Variants in PGCKA1 observed in about 807,000 individuals in gnomAD.
PGCKA1 encodes PDCD10 and GCKIII kinases associated 1, also known as PDCD10 and GCKIII kinases-associated protein 1.
At chr4:37,546,859 G>A in the PGCKA1 span, among the ~76,000 whole-genome samples, 1 of 152,262 alleles carries the variant, frequency 6.6e-6, no homozygotes, top group South Asian at 2.1e-4. Context: ...CACGTAGCAG[G>A]CCCCTGCAGT....
the PGCKA1 span, among the ~76,000 whole-genome samples, chr4:37,541,835 C>G: frequency 6.6e-6 from 1 of 152,220 alleles, no homozygotes; most frequent in African/African-American, 2.4e-5. Context: ...AAAAAGACAT[C>G]TAGAGCCAGG....
chr4:37,546,454 A>G, the PGCKA1 span, among the ~76,000 whole-genome samples: 1 of 152,238 alleles, frequency 6.6e-6, no homozygotes, highest in Non-Finnish European at 1.5e-5. Context: ...CTACCAGTGC[A>G]TGAAACACCT....
At chr4:37,509,933 G>A in the PGCKA1 span, among the ~76,000 whole-genome samples, 2 of 147,600 alleles carry the variant, frequency 1.4e-5, no homozygotes. Flanking sequence ...GCTTCGGCTG[G>A]GCATCAGAGG....
the PGCKA1 span, among the ~76,000 whole-genome samples, chr4:37,548,085 T>A: frequency 3.3e-5 from 5 of 151,694 alleles, no homozygotes; most frequent in African/African-American, 1.2e-4. Context: ...CTGAAATAAA[T>A]TAACTGGTTG....
At chr4:37,556,350 C>G in the PGCKA1 span, among the ~76,000 whole-genome samples, 1 of 152,070 alleles carries the variant, frequency 6.6e-6, no homozygotes, top group Admixed American at 6.6e-5. Flanking sequence ...TCACTGCAAC[C>G]TCTGTCCCCG....
At chr4:37,526,422 C>T in the PGCKA1 span, among the ~76,000 whole-genome samples, 1 of 152,168 alleles carries the variant, frequency 6.6e-6, no homozygotes, top group African/African-American at 2.4e-5. Flanking sequence ...GACTACAAAC[C>T]TTAAGAAATT....
the PGCKA1 span, among the ~76,000 whole-genome samples, chr4:37,516,995 G>A: frequency 1.2e-4 from 19 of 152,138 alleles, no homozygotes; most frequent in Admixed American, 8.5e-4. Context: ...TGTGGCTCAC[G>A]CCTGTAATCC....
At chr4:37,566,943 C>T in the PGCKA1 span, among the ~76,000 whole-genome samples, 1 of 152,124 alleles carries the variant, frequency 6.6e-6, no homozygotes, top group Non-Finnish European at 1.5e-5. Flanking sequence ...CTATATCCTG[C>T]CATCTGCTGG....
chr4:37,590,278 G>A, the PGCKA1 span: 1 of 1,614,126 alleles, frequency 6.2e-7, no homozygotes, highest in Non-Finnish European at 8.5e-7. Flanking sequence ...TGATCCATGG[G>A]AGCCCTGCTG....
At chr4:37,575,549 T>C in the PGCKA1 span, among the ~76,000 whole-genome samples, 1 of 152,120 alleles carries the variant, frequency 6.6e-6, no homozygotes, top group Non-Finnish European at 1.5e-5. Context: ...ATTCTGTGGG[T>C]TGTCTCTTCA....
the PGCKA1 span, among the ~76,000 whole-genome samples, chr4:37,512,827 G>A: frequency 6.6e-6 from 1 of 151,932 alleles, no homozygotes; most frequent in Non-Finnish European, 1.5e-5. Flanking sequence ...GGTGGCTCAC[G>A]CCTCTAATCC....
the PGCKA1 span, among the ~76,000 whole-genome samples, chr4:37,571,560 CAG>C: frequency 0.31 from 47,293 of 150,180 alleles, 8,005 homozygotes; most frequent in Middle Eastern, 0.4. Context: ...TTTTTTGAGA[CAG>C]AGTCTCGCTC....
At chr4:37,521,337 A>G in the PGCKA1 span, among the ~76,000 whole-genome samples, 1 of 152,174 alleles carries the variant, frequency 6.6e-6, no homozygotes, top group Admixed American at 6.5e-5. Context: ...CTTAACTCCC[A>G]GATGGCACCT....
the PGCKA1 span, among the ~76,000 whole-genome samples, chr4:37,522,296 A>G: frequency 0.31 from 46,408 of 151,904 alleles, 8,351 homozygotes; most frequent in African/African-American, 0.49. Flanking sequence ...ACCACAAGAT[A>G]TGGTTCTTCC....
At chr4:37,586,041 G>A in the PGCKA1 span, among the ~76,000 whole-genome samples, 2 of 150,672 alleles carry the variant, frequency 1.3e-5, no homozygotes, top group African/African-American at 4.9e-5. Flanking sequence ...TTTTCTTTTT[G>A]GGGGGTGTGT....
chr4:37,542,867 T>C, the PGCKA1 span, among the ~76,000 whole-genome samples: 1 of 152,150 alleles, frequency 6.6e-6, no homozygotes, highest in Admixed American at 6.5e-5. Flanking sequence ...CCCACTAAAT[T>C]ATAAGCTTGA....
chr4:37,579,240 AT>A, the PGCKA1 span, among the ~76,000 whole-genome samples: 1 of 152,118 alleles, frequency 6.6e-6, no homozygotes, highest in Non-Finnish European at 1.5e-5. Context: ...GTCTTGAAAA[AT>A]TTTTGTTATT....
the PGCKA1 span, among the ~76,000 whole-genome samples, chr4:37,556,313 G>C: frequency 1.3e-5 from 2 of 151,838 alleles, no homozygotes; most frequent in South Asian, 2.1e-4. Context: ...TGTTGCCCAG[G>C]CAGGAGTGCA....
At chr4:37,527,673 A>C in the PGCKA1 span, among the ~76,000 whole-genome samples, 1 of 151,662 alleles carries the variant, frequency 6.6e-6, no homozygotes, top group Non-Finnish European at 1.5e-5. Context: ...ACAAAAAAAA[A>C]AAAAAAATTA....
Sources: gnomAD v4.1 joint callset for allele counts (sites outside exome capture counted in the v4.1 genomes callset) on GRCh38, gnomAD v4.1.1 for gene constraint, MANE v1.5 for transcripts, NCBI Gene and HGNC (gene_info 2026-07-23, HGNC 2026-07-21) for gene names.